The following HERC4 variants were observed in gnomAD, a reference collection of about 807,000 sequenced individuals.
HERC4 encodes the protein HECT and RLD domain containing E3 ubiquitin protein ligase 4, also known as probable E3 ubiquitin-protein ligase HERC4.
Under a neutral mutation model 124.3 loss-of-function variants are expected in HERC4, and 28 were observed. The observed-to-expected ratio is 0.23, with a 90% CI of 0.17 to 0.31. The LOEUF (loss-of-function observed/expected upper bound fraction) is 0.31, where lower values mean the gene tolerates loss of function less well. Ranked by LOEUF, HERC4 falls within the 10% of genes least tolerant of loss-of-function variation. HERC4 has a pLI of 1.00. For missense variants in HERC4, 713 were observed against 1,229.3 expected, an observed-to-expected ratio of 0.58 and a Z score of 6.28; for synonymous variants, 407 against 421.5, an observed-to-expected ratio of 0.97 and a Z score of 0.42.
intron 3 of HERC4, among the ~76,000 whole-genome samples, chr10:68,052,370 C>G (rs759278496): frequency 1.3e-5 from 2 of 151,822 alleles, no homozygotes; most frequent in Non-Finnish European, 2.9e-5. Context: ...TAAAGAAAGA[C>G]TTTCATTTTT....
In HERC4 at chr10:68,039,331, A is replaced by G. The variant is rs551501162; in HGVS notation, c.387-1162T>C. 2.1e-4 allele frequency: 300 copies of G among 1,455,034 alleles called. 1 individual carries two copies. The highest frequency in any genetic ancestry group is 1.2e-3 in the African/African-American group (82 of 69,068). 90.1% of individuals were successfully genotyped at this position (1,455,034 alleles called of 1,614,324 possible). The stretch of plus-strand genomic sequence containing the variant: ...ACCCTGTCTCAAAAAAAAAAAAAAA[A>G]AAAGAAAGAAAGAAAAGAAAAAACG... On this transcript the variant is annotated intron_variant, in intron 4 of 24. Coordinates refer to ENST00000373700, the MANE Select transcript of HERC4 (RefSeq NM_015601.4).
chr10:67,939,260 T>C (rs2032663263), intron 21 of HERC4, among the ~76,000 whole-genome samples: 1 of 152,222 alleles, frequency 6.6e-6, no homozygotes, highest in Non-Finnish European at 1.5e-5. Flanking sequence ...AAAGAGGATG[T>C]CTTGTATTTG....
chr10:68,054,232 G>A (rs2040444148), intron 3 of HERC4, among the ~76,000 whole-genome samples: 1 of 152,078 alleles, frequency 6.6e-6, no homozygotes, highest in Non-Finnish European at 1.5e-5. Flanking sequence ...ACACATGTAT[G>A]CAGAGAAAAG....
At position 68,033,069 on chromosome 10, in the gene HERC4, A is replaced by T. The variant is rs540938576; in HGVS notation, c.686-200T>A. Among the ~76,000 whole-genome samples the T allele has an allele frequency of 3.3e-5, 5 of 152,292 alleles. No homozygotes were observed. The East Asian group carries it at 9.6e-4, about 29-fold the overall frequency. ...TATTGTGATAAAGGAGGGACTTAAGAGTTAAGTGCTAAACAGCCAATATGC... is the reference window on the plus strand; with the variant it reads ...TATTGTGATAAAGGAGGGACTTAAGTGTTAAGTGCTAAACAGCCAATATGC... On this transcript the variant is annotated intron_variant, in intron 6 of 24. Transcript: ENST00000373700.
intron 15 of HERC4, among the ~76,000 whole-genome samples, chr10:67,975,138 G>A (rs1376953930): frequency 2.0e-5 from 3 of 151,802 alleles, no homozygotes; most frequent in South Asian, 2.1e-4. Flanking sequence ...GTGGTGAGCC[G>A]AGATCGTGCC....
intron 24 of HERC4, among the ~76,000 whole-genome samples, 164 bp from the exon 25 acceptor site, chr10:67,923,303 A>G (rs1449432096): frequency 1.3e-5 from 2 of 152,218 alleles, no homozygotes; most frequent in Non-Finnish European, 2.9e-5. Context: ...GACACATTCT[A>G]ATTGCTCATC....
At chr10:67,972,529 G>GAAA (rs58031306) in intron 15 of HERC4, among the ~76,000 whole-genome samples, 1 of 58,396 alleles carries the variant, frequency 1.7e-5, no homozygotes, top group Non-Finnish European at 3.1e-5. Context: ...CAAAAAAGAG[G>GAAA]AAAAAAAAAA....
chr10:68,010,288 G>T, intron 9 of HERC4: 1 of 988,196 alleles, frequency 1.0e-6, no homozygotes, highest in Non-Finnish European at 1.5e-6. Context: ...GCAGTGCAAT[G>T]AGGGCTCCCA....
At chr10:67,982,350 A>C (rs2035981813) in intron 15 of HERC4, among the ~76,000 whole-genome samples, 1 of 152,184 alleles carries the variant, frequency 6.6e-6, no homozygotes, top group Non-Finnish European at 1.5e-5. Flanking sequence ...CATTTTTGAC[A>C]AAAGAACCAA....
intron 3 of HERC4, among the ~76,000 whole-genome samples, chr10:68,072,559 G>T (rs1173296443): frequency 6.6e-6 from 1 of 151,902 alleles, no homozygotes; most frequent in Non-Finnish European, 1.5e-5. Context: ...ATCTATCCAG[G>T]GTGGCTGAAC....
At chr10:68,059,488 T>TTATATTA (rs1554830099) in intron 3 of HERC4, among the ~76,000 whole-genome samples, 2 of 121,554 alleles carry the variant, frequency 1.6e-5, no homozygotes, top group African/African-American at 6.8e-5. Context: ...ATATTATATA[T>TTATATTA]TATAACATTA....
At chr10:67,932,340 C>A (rs1222114412) in intron 23 of HERC4, among the ~76,000 whole-genome samples, 1 of 152,172 alleles carries the variant, frequency 6.6e-6, no homozygotes, top group Non-Finnish European at 1.5e-5. Context: ...CCCGCCTAAG[C>A]ACCCCAAAGT....
intron 15 of HERC4, among the ~76,000 whole-genome samples, chr10:67,980,480 T>C (rs552554411): frequency 6.6e-6 from 1 of 152,218 alleles, no homozygotes; most frequent in South Asian, 2.1e-4. Flanking sequence ...AGGAATTTTA[T>C]CAACACTAGA....
chr10:68,034,478 A>T (rs2039358048), intron 5 of HERC4, among the ~76,000 whole-genome samples: 1 of 152,146 alleles, frequency 6.6e-6, no homozygotes, highest in Non-Finnish European at 1.5e-5. Flanking sequence ...GCCCCTCAAC[A>T]GTCTCCTTTT....
intron 9 of HERC4, among the ~76,000 whole-genome samples, chr10:68,009,569 A>T (rs992482609): frequency 6.6e-6 from 1 of 152,192 alleles, no homozygotes; most frequent in Non-Finnish European, 1.5e-5. Context: ...GTCTCGCCTC[A>T]TTGTCAACAT....
chr10:67,968,836 T>C (rs1046714447), intron 15 of HERC4, among the ~76,000 whole-genome samples: 1 of 152,178 alleles, frequency 6.6e-6, no homozygotes, highest in Non-Finnish European at 1.5e-5. Context: ...ACCATGATTA[T>C]ATTTGGAGAT....
At chr10:67,974,286 A>G (rs1402848953) in intron 15 of HERC4, among the ~76,000 whole-genome samples, 1 of 152,156 alleles carries the variant, frequency 6.6e-6, no homozygotes, top group Non-Finnish European at 1.5e-5. Context: ...GTAGAAAGTA[A>G]AACAAAAGGA....
intron 3 of HERC4, among the ~76,000 whole-genome samples, chr10:68,050,973 T>G (rs983003018): frequency 2.0e-5 from 3 of 152,122 alleles, no homozygotes; most frequent in African/African-American, 4.8e-5. Context: ...ACATTTATTA[T>G]TTACTATGTT....
At chr10:68,022,275 G>A (rs929705061) in intron 8 of HERC4, among the ~76,000 whole-genome samples, 4 of 151,948 alleles carry the variant, frequency 2.6e-5, no homozygotes, top group African/African-American at 4.8e-5. Flanking sequence ...CGAGGTGGGC[G>A]GATCAACTGA....
Sources: allele counts gnomAD v4.1 joint callset (sites outside exome capture counted in the v4.1 genomes callset), GRCh38; gene constraint gnomAD v4.1.1; transcripts MANE v1.5; gene names NCBI Gene and HGNC (gene_info 2026-07-23, HGNC 2026-07-21).